PROKR2: variants seen among roughly 807,000 people sequenced by gnomAD.
The protein encoded by PROKR2 is G protein-coupled receptor 73-like 1.
PROKR2 carries 26 observed loss-of-function variants against 23.4 expected under a neutral mutation model. The observed-to-expected ratio is 1.11, with a 90% CI of 0.81 to 1.54. The LOEUF is 1.54. PROKR2 is among the 40% of genes most tolerant of loss of function. The pLI, the probability that PROKR2 is intolerant of heterozygous loss-of-function variation, is 0.00. For synonymous variants in PROKR2, 212 were observed against 201.2 expected (o/e 1.05, Z -0.45); for missense variants, 453 against 511.5 (o/e 0.89, Z 1.10).
chr20:5,316,199 C>T lies in PROKR2; in HGVS notation c.-9+295G>A, dbSNP rs934580048. ...CAGGAAGGTGCCCCTCTACCTGCAC[C>T]CTCCCCTGCAATTTGGAGCTCGTCC... is the stretch of plus-strand genomic sequence containing the variant. On this transcript the variant is annotated intron_variant, in intron 1 of 2. Coordinates refer to ENST00000678254, the MANE Select transcript of PROKR2 (RefSeq NM_144773.4). This position sits in a 1 kb window ranked among gnomAD's most constrained non-coding sequence, Gnocchi z 5.0. 3.9e-5 allele frequency: 18 copies of T among 456,572 alleles called. No individual in the cohort carries two copies. The highest frequency in any genetic ancestry group is 6.6e-5 in the Non-Finnish European group (15 of 226,960). The allele number at this position is 456,572 out of a possible 1,614,324, so 28.3% of individuals were successfully genotyped here. A position where few individuals can be genotyped will look rare whatever the true frequency, so the allele number is the denominator to read the frequency against.
At position 5,300,251 on chromosome 20, in the gene PROKR2, C is replaced by T. The variant is rs1189885694; in HGVS notation, c.*1789G>A. 6.6e-6 allele frequency among the ~76,000 whole-genome samples: 1 copy of T among 152,192 alleles called. No individual in the cohort carries two copies. Among genetic ancestry groups the T allele is most frequent in the African/African-American group, 2.4e-5 (1 of 41,448 alleles). The stretch of plus-strand genomic sequence containing the variant: ...GCAGCACTAGGGTGCTATTTTGCAA[C>T]ATGCAGGGAGGACTGTCAACACTTC... On this transcript the variant is annotated 3_prime_UTR_variant, in exon 3 of 3. Transcript: ENST00000678254.
At chr20:5,309,908 C>T (rs1979370536) in intron 2 of PROKR2, among the ~76,000 whole-genome samples, 1 of 152,192 alleles carries the variant, frequency 6.6e-6, no homozygotes, top group African/African-American at 2.4e-5. Context: ...GTATGATGTT[C>T]CAAAATTCAG....
At chr20:5,304,385 G>A (rs1979136531) in intron 2 of PROKR2, among the ~76,000 whole-genome samples, 1 of 152,228 alleles carries the variant, frequency 6.6e-6, no homozygotes, top group Non-Finnish European at 1.5e-5. Flanking sequence ...GACTGTTAAA[G>A]AATGCTGCTC....
intron 2 of PROKR2, 26 bp from the exon 3 acceptor site, chr20:5,302,762 A>G: frequency 1.3e-6 from 2 of 1,556,588 alleles, no homozygotes; most frequent in Non-Finnish European, 1.8e-6. Flanking sequence ...AGCCAACAGT[A>G]GTAATGATGA....
intron 1 of PROKR2, chr20:5,315,761 G>C (rs935605003): frequency 9.1e-6 from 4 of 440,488 alleles, no homozygotes; most frequent in Non-Finnish European, 1.8e-5. Context: ...CACACCCGGA[G>C]GTGTCTTCTC....
At chr20:5,310,039 G>A (rs1350032664) in intron 2 of PROKR2, among the ~76,000 whole-genome samples, 1 of 152,120 alleles carries the variant, frequency 6.6e-6, no homozygotes, top group Non-Finnish European at 1.5e-5. Flanking sequence ...TTTGGTTGGG[G>A]GACTCAGTTT....
Position 5,316,214 on chromosome 20 carries a change from G to T in PROKR2, c.-9+280C>A. Reference sequence around the variant, plus strand: ...CTACCTGCACCCTCCCCTGCAATTTGGAGCTCGTCCGCGAGCTCAGCTACC... The same window carrying T: ...CTACCTGCACCCTCCCCTGCAATTTTGAGCTCGTCCGCGAGCTCAGCTACC... On this transcript the variant is annotated intron_variant, in intron 1 of 2. Coordinates refer to ENST00000678254, the MANE Select transcript of PROKR2 (RefSeq NM_144773.4). This position sits in a 1 kb window ranked among gnomAD's most constrained non-coding sequence, Gnocchi z 5.0. 2.2e-6 allele frequency: 1 copy of T among 456,548 alleles called. No homozygotes were observed. The highest frequency in any genetic ancestry group is 4.4e-6 in the Non-Finnish European group (1 of 226,934). 28.3% of individuals were successfully genotyped at this position (456,548 alleles called of 1,614,324 possible).
chr20:5,316,470 G>C lies in PROKR2; in HGVS notation c.-9+24C>G, dbSNP rs1979679985. The stretch of plus-strand genomic sequence containing the variant: ...CCCCACCGCACCGACTGAGTCCCGG[G>C]ACTGCAGGGATCTAAGCCCTTACCT... On this transcript the variant is annotated intron_variant, in intron 1 of 2. Transcript: ENST00000678254. The surrounding 1 kb of genome is among the most constrained non-coding windows in gnomAD (Gnocchi z 5.0). 2.3e-6 allele frequency: 1 copy of C among 435,754 alleles called. No homozygotes were observed. Among genetic ancestry groups the C allele is most frequent in the South Asian group, 1.7e-5 (1 of 60,112 alleles). 27.0% of individuals were successfully genotyped at this position (435,754 alleles called of 1,614,324 possible).
At chr20:5,315,547 C>A (rs1246094116) in intron 1 of PROKR2, among the ~76,000 whole-genome samples, 2 of 152,116 alleles carry the variant, frequency 1.3e-5, no homozygotes, top group Non-Finnish European at 2.9e-5. Flanking sequence ...GGAAACGACT[C>A]CACATGTGGG....
chr20:5,307,960 CTG>C (rs1979282240), intron 2 of PROKR2, among the ~76,000 whole-genome samples: 1 of 152,210 alleles, frequency 6.6e-6, no homozygotes, highest in Non-Finnish European at 1.5e-5. Context: ...ATGCCAGGAA[CTG>C]GAGTGCTTAA....
Position 5,302,218 on chromosome 20 carries a change from C to CTGT in PROKR2, c.974_976dup (p.Asn325dup). ...CACGAAGCACACGGTGTTGATCATG[C>CTGT]TGTTGCTCATGGCGATGCACTCGAC... On this transcript the variant is annotated inframe_insertion, in exon 3 of 3. Transcript: ENST00000678254. The CTGT allele has an allele frequency of 6.2e-7, 1 of 1,614,176 alleles. No individual in the cohort carries two copies. The highest frequency in any genetic ancestry group is 8.5e-7 in the Non-Finnish European group (1 of 1,180,036).
rs947829844 is a variant in PROKR2, at chr20:5,299,531, A to G, written c.*2509T>C. On this transcript the variant is annotated 3_prime_UTR_variant, in exon 3 of 3. Coordinates refer to ENST00000678254, the MANE Select transcript of PROKR2 (RefSeq NM_144773.4). ...TACTTGCTTGGCTTTGAAATGCATTATTACACAATGCATTTCAAAGCCAAG... is the reference window on the plus strand; with the variant it reads ...TACTTGCTTGGCTTTGAAATGCATTGTTACACAATGCATTTCAAAGCCAAG... 6.6e-6 allele frequency among the ~76,000 whole-genome samples: 1 copy of G among 151,436 alleles called. No homozygotes were observed. The highest frequency in any genetic ancestry group is 1.5e-5 in the Non-Finnish European group (1 of 67,858).
At position 5,302,582 on chromosome 20, in the gene PROKR2, T is replaced by C; in HGVS notation, c.613A>G (p.Lys205Glu). The stretch of plus-strand genomic sequence containing the variant: ...GGCCAGATCTGGCCACAGAAGATCT[T>C]CTCCTGGCTCTTGACAATAAAGAGG... ...TVLFIVKSQE[K>E]IFCGQIWPVD... Residue 205 changes from lysine (K) to glutamate (E), a missense_variant, in exon 3 of 3, where the codon AAG (lysine) becomes GAG (glutamate). By Grantham distance (56) the Lys-to-Glu change is moderately conservative. Coordinates refer to ENST00000678254, the MANE Select transcript of PROKR2 (RefSeq NM_144773.4). The C allele has an allele frequency of 6.2e-7, 1 of 1,614,114 alleles. No individual in the cohort carries two copies. Among genetic ancestry groups the C allele is most frequent in the Non-Finnish European group, 8.5e-7 (1 of 1,180,008 alleles).
At chr20:5,313,876 C>A (rs1419190058) in intron 2 of PROKR2, 36 bp downstream of exon 2, 1 of 1,565,652 alleles carries the variant, frequency 6.4e-7, no homozygotes. Flanking sequence ...GACAGCCTGG[C>A]CCAGCCCCAC....
chr20:5,306,468 G>A (rs960248917), intron 2 of PROKR2, among the ~76,000 whole-genome samples: 1 of 152,176 alleles, frequency 6.6e-6, no homozygotes, highest in Non-Finnish European at 1.5e-5. Flanking sequence ...GACTGTGAAT[G>A]GTTTGCATTT....
chr20:5,303,981 CAG>C (rs1466805616), intron 2 of PROKR2, among the ~76,000 whole-genome samples: 2 of 152,122 alleles, frequency 1.3e-5, no homozygotes, highest in Non-Finnish European at 2.9e-5. Context: ...AACGAAGTAA[CAG>C]AAGAGGTTAC....
chr20:5,302,862 A>G, intron 2 of PROKR2, 126 bp from the exon 3 acceptor site: 1 of 725,874 alleles, frequency 1.4e-6, no homozygotes, highest in Non-Finnish European at 2.3e-6. Flanking sequence ...TCCAGCTTTA[A>G]CAAGCTTCAT....
At position 5,300,700 on chromosome 20, in the gene PROKR2, T is replaced by C. The variant is rs934776610; in HGVS notation, c.*1340A>G. Among the ~76,000 whole-genome samples the C allele has an allele frequency of 1.3e-5, 2 of 152,204 alleles. No individual in the cohort carries two copies. The highest frequency in any genetic ancestry group is 6.5e-5 in the Admixed American group (1 of 15,286). On this transcript the variant is annotated 3_prime_UTR_variant, in exon 3 of 3. Coordinates refer to ENST00000678254, the MANE Select transcript of PROKR2 (RefSeq NM_144773.4). ...GGACTTGAGTCTTAGAGTTAGGACC[T>C]GAACCCAGGTCTTTGGATTCTAGGT...
intron 2 of PROKR2, among the ~76,000 whole-genome samples, chr20:5,306,096 G>A (rs562090528): frequency 1.9e-4 from 29 of 152,210 alleles, no homozygotes; most frequent in African/African-American, 5.3e-4. Flanking sequence ...TTTTGATGGC[G>A]GCCAATGTTA....
Sources: allele counts gnomAD v4.1 joint callset (sites outside exome capture counted in the v4.1 genomes callset), GRCh38; gene constraint gnomAD v4.1.1; non-coding constraint Gnocchi (gnomAD v3.1); transcripts MANE v1.5; gene names NCBI Gene and HGNC (gene_info 2026-07-23, HGNC 2026-07-21).